The following TRPC4AP variants were observed in gnomAD, a reference collection of about 807,000 sequenced individuals.
TRPC4AP encodes the protein short transient receptor potential channel 4-associated protein.
Under a neutral mutation model 99.0 loss-of-function variants are expected in TRPC4AP, and 45 were observed. That is an observed-to-expected ratio of 0.45 (90% CI 0.36 to 0.58). The LOEUF (loss-of-function observed/expected upper bound fraction) is 0.58. Among genes scored for constraint, TRPC4AP ranks in the 20% least tolerant of loss-of-function variants. The probability of loss-of-function intolerance (pLI) is 0.00; values close to 1 mark genes in which losing one functional copy is unlikely to be tolerated. For synonymous variants in TRPC4AP, 408 were observed against 385.8 expected, an observed-to-expected ratio of 1.06 and a Z score of -0.67; for missense variants, 879 against 985.3, an observed-to-expected ratio of 0.89 and a Z score of 1.44.
rs368237951 is a variant in TRPC4AP, at chr20:35,012,959, T to C, written c.1409+49A>G. On this transcript the variant is annotated intron_variant, in intron 11 of 18. Coordinates refer to ENST00000252015, the MANE Select transcript of TRPC4AP (RefSeq NM_015638.3). ...GGACCAGACAAGGAGATCGAGGCCT[T>C]CCGAAGACAGCCCAACAACTCTCCT... 2.2e-5 allele frequency: 35 copies of C among 1,602,064 alleles called. No homozygotes were observed. In the African/African-American group the frequency reaches 4.0e-4, roughly 18 times the overall value.
chr20:35,023,299 C>T (rs535854365), intron 8 of TRPC4AP, among the ~76,000 whole-genome samples: 1 of 152,154 alleles, frequency 6.6e-6, no homozygotes, highest in African/African-American at 2.4e-5. Flanking sequence ...ATACTGACAA[C>T]CATACCTACC....
At position 35,066,786 on chromosome 20, in the gene TRPC4AP, AAATTT is replaced by A. The variant is rs376437342; in HGVS notation, c.414+2505_414+2509del. 2.2e-3 allele frequency among the ~76,000 whole-genome samples: 339 copies of A among 152,298 alleles called. 1 individual carries two copies. The highest frequency in any genetic ancestry group is 7.6e-3 in the African/African-American group (315 of 41,570). ...CATTTCTAATTTTAAAATAACATCA[AAATTT>A]AATTCTCAAAATAGTAAAAAAACAC... On this transcript the variant is annotated intron_variant, in intron 3 of 18. Coordinates refer to ENST00000252015, the MANE Select transcript of TRPC4AP (RefSeq NM_015638.3).
rs748329195 is a variant in TRPC4AP, at chr20:35,008,659, C to G, written c.1595+5G>C. The G allele has an allele frequency of 1.2e-6, 2 of 1,612,616 alleles. No homozygotes were observed. Among genetic ancestry groups the G allele is most frequent in the Admixed American group, 1.7e-5 (1 of 59,752 alleles). On this transcript the variant is annotated splice_donor_5th_base_variant and intron_variant, in intron 13 of 18. Transcript: ENST00000252015. ...GAATCGGCAGGTACTTTTCCCCAGACTCACCTGAAAGACGACTCTGCTGGC... is the reference window on the plus strand; with the variant it reads ...GAATCGGCAGGTACTTTTCCCCAGAGTCACCTGAAAGACGACTCTGCTGGC...
chr20:35,060,584 C>CGAAAAAAAAAAAAAAAA (rs1569133058), intron 3 of TRPC4AP, among the ~76,000 whole-genome samples: 1 of 45,868 alleles, frequency 2.2e-5, no homozygotes, highest in Non-Finnish European at 4.3e-5. Context: ...GACCTTGTCT[C>CGAAAAAAAAAAAAAAAA]CAAAAAAAAA....
At chr20:35,055,233 T>C (rs1288262537) in intron 4 of TRPC4AP, among the ~76,000 whole-genome samples, 1 of 152,220 alleles carries the variant, frequency 6.6e-6, no homozygotes, top group African/African-American at 2.4e-5. Context: ...ATATTGCTTT[T>C]GGTTTGATAC....
At chr20:35,042,489 G>GT (rs2083464555) in intron 7 of TRPC4AP, among the ~76,000 whole-genome samples, 1 of 152,104 alleles carries the variant, frequency 6.6e-6, no homozygotes, top group Admixed American at 6.5e-5. Context: ...ACAAAGAACT[G>GT]TTTTCAGAGC....
Position 35,003,279 on chromosome 20 carries a change from G to A in TRPC4AP, c.2261C>T (p.Ser754Phe). Residue 754 changes from serine (S) to phenylalanine (F), a missense_variant, in exon 19 of 19, where the codon TCC becomes TTC. By Grantham distance (155) the Ser-to-Phe change is radical. This residue lies in a region of TRPC4AP where 224 missense variants were observed against 264.7 expected (regional missense o/e 0.85). Coordinates refer to ENST00000252015, the MANE Select transcript of TRPC4AP (RefSeq NM_015638.3). ...DKDSTCLENS[S>F]CISFSYWKET... ...CTTCCAGTATGAGAAGCTGATGCAG[G>A]AGCTCTGGGCAAAGAGGGAGGGGCT... The A allele has an allele frequency of 6.2e-7, 1 of 1,613,964 alleles. No homozygotes were observed. Among genetic ancestry groups the A allele is most frequent in the Non-Finnish European group, 8.5e-7 (1 of 1,179,974 alleles).
chr20:35,055,210 C>A (rs561445937), intron 4 of TRPC4AP, among the ~76,000 whole-genome samples, 179 bp from the exon 5 acceptor site: 2 of 152,208 alleles, frequency 1.3e-5, no homozygotes, highest in Non-Finnish European at 2.9e-5. Context: ...TCAGAACCTA[C>A]AAGCCCATTT....
chr20:35,026,543 A>G (rs1347135412), intron 8 of TRPC4AP, among the ~76,000 whole-genome samples: 1 of 152,080 alleles, frequency 6.6e-6, no homozygotes, highest in Non-Finnish European at 1.5e-5. Flanking sequence ...TGTTAATCCA[A>G]GTCTCCTGCA....
intron 14 of TRPC4AP, 111 bp downstream of exon 14, chr20:35,007,439 T>C: frequency 8.8e-7 from 1 of 1,131,042 alleles, no homozygotes; most frequent in Non-Finnish European, 1.3e-6. Flanking sequence ...CATTTGGAAG[T>C]CACGAGATCT....
chr20:35,079,686 A>T (rs527468598), intron 1 of TRPC4AP, among the ~76,000 whole-genome samples: 2 of 152,290 alleles, frequency 1.3e-5, no homozygotes, highest in East Asian at 3.9e-4. Context: ...GTGGTACATA[A>T]GAGGAGTTAT....
chr20:35,054,714 A>C (rs1316845833), intron 5 of TRPC4AP, among the ~76,000 whole-genome samples: 3 of 152,186 alleles, frequency 2.0e-5, no homozygotes, highest in African/African-American at 7.2e-5. Flanking sequence ...ACAAGTGTCC[A>C]GTTTCTACTT....
chr20:35,012,660 T>A (rs1405608366), intron 11 of TRPC4AP, among the ~76,000 whole-genome samples: 1 of 152,164 alleles, frequency 6.6e-6, no homozygotes, highest in East Asian at 1.9e-4. Flanking sequence ...CTGTCTGAAG[T>A]TCCTGCCGGC....
At chr20:35,084,095 T>A (rs2084731121) in intron 1 of TRPC4AP, among the ~76,000 whole-genome samples, 1 of 151,516 alleles carries the variant, frequency 6.6e-6, no homozygotes, top group East Asian at 1.9e-4. Flanking sequence ...AGGTCAGGAG[T>A]TCGAGACCAG....
intron 2 of TRPC4AP, among the ~76,000 whole-genome samples, chr20:35,072,667 C>T (rs954091300): frequency 3.9e-5 from 6 of 152,152 alleles, no homozygotes; most frequent in South Asian, 2.1e-4. Flanking sequence ...TAGTACCATG[C>T]TGTTTTGGTT....
At chr20:35,028,637 G>A (rs888636366) in intron 8 of TRPC4AP, among the ~76,000 whole-genome samples, 1 of 152,094 alleles carries the variant, frequency 6.6e-6, no homozygotes, top group Non-Finnish European at 1.5e-5. Context: ...AGAAGAACGT[G>A]CATTCTGTAG....
chr20:35,018,032 G>C (rs917798654), intron 9 of TRPC4AP, among the ~76,000 whole-genome samples: 31 of 152,160 alleles, frequency 2.0e-4, no homozygotes, highest in African/African-American at 7.2e-4. Flanking sequence ...CAAGCCATGT[G>C]CCTTCCTGTC....
At chr20:35,036,528 T>G (rs2083322905) in intron 7 of TRPC4AP, among the ~76,000 whole-genome samples, 1 of 152,226 alleles carries the variant, frequency 6.6e-6, no homozygotes, top group Admixed American at 6.5e-5. Flanking sequence ...GGCAGTTACG[T>G]TTCTTAAAAG....
intron 1 of TRPC4AP, among the ~76,000 whole-genome samples, chr20:35,085,362 T>C (rs1029006536): frequency 3.9e-5 from 6 of 152,146 alleles, no homozygotes; most frequent in African/African-American, 1.2e-4. Flanking sequence ...ACTCATATCC[T>C]AGCACTTGGG....
Sources: gnomAD v4.1 joint callset for allele counts (sites outside exome capture counted in the v4.1 genomes callset) on GRCh38, gnomAD v4.1.1 for gene constraint, gnomAD v4.1.1 regional missense constraint, MANE v1.5 for transcripts, NCBI Gene and HGNC (gene_info 2026-07-23, HGNC 2026-07-21) for gene names.